The following CSMD1 variants were observed in gnomAD, a reference collection of about 807,000 sequenced individuals.
The protein encoded by CSMD1 is CUB and Sushi multiple domains 1.
A neutral mutation model predicts 417.5 loss-of-function variants in CSMD1; 213 were observed. The ratio of observed to expected loss-of-function variants is 0.51; its 90% CI spans 0.46 to 0.57. The LOEUF (loss-of-function observed/expected upper bound fraction) is 0.57. Ranked by LOEUF, CSMD1 falls within the 20% of genes least tolerant of loss-of-function variation. The pLI is 0.00. For missense variants in CSMD1, 6,923 were observed against 4,529.7 expected (o/e 1.53, Z -15.17); for synonymous variants, 2,862 against 1,736.8 (o/e 1.65, Z -16.11).
At chr8:3,216,595 C>T (rs1797893747) in intron 29 of CSMD1, among the ~76,000 whole-genome samples, 1 of 152,188 alleles carries the variant, frequency 6.6e-6, no homozygotes, top group African/African-American at 2.4e-5. Flanking sequence ...CAATGGACTG[C>T]ATCTAATCTT....
At chr8:3,274,444 C>T (rs560214795) in intron 26 of CSMD1, among the ~76,000 whole-genome samples, 4 of 152,080 alleles carry the variant, frequency 2.6e-5, no homozygotes, top group African/African-American at 9.7e-5. Flanking sequence ...TCTATTAGGT[C>T]CGCTTGGTGC....
rs904743253 is a variant in CSMD1 at position 4,012,124 on chromosome 8, T to A, written c.611-14014A>T. 6.6e-5 allele frequency among the ~76,000 whole-genome samples: 10 copies of A among 152,240 alleles called. No homozygotes were observed. The South Asian group carries it at 8.3e-4, about 13-fold the overall frequency. On this transcript the variant is annotated intron_variant, in intron 4 of 69. Coordinates refer to ENST00000635120, the MANE Select transcript of CSMD1 (RefSeq NM_033225.6). ...AATGAAACATTTTCTAGATTTAAAA[T>A]ATATATATATTTTTCATCCACATTT...
At chr8:3,220,967 T>G (rs1314774242) in intron 28 of CSMD1, among the ~76,000 whole-genome samples, 1 of 152,194 alleles carries the variant, frequency 6.6e-6, no homozygotes, top group South Asian at 2.1e-4. Context: ...TCCTACTCCC[T>G]TTCCTTTCCA....
Position 4,982,826 on chromosome 8 carries a change from C to T in CSMD1, c.85+11506G>A, listed in dbSNP as rs189207262. ...ACGCCTCAGCTTTTCAACACCCTGA[C>T]GACATGCCCCTTCCGTGTCTCTTGT... On this transcript the variant is annotated intron_variant, in intron 1 of 69. Coordinates refer to ENST00000635120, the MANE Select transcript of CSMD1 (RefSeq NM_033225.6). Among the ~76,000 whole-genome samples the T allele has an allele frequency of 7.6e-4, 115 of 152,260 alleles. 1 individual carries two copies. In the East Asian group the frequency reaches 0.018, roughly 24 times the overall value.
intron 3 of CSMD1, among the ~76,000 whole-genome samples, chr8:4,039,136 T>C (rs1797761422): frequency 6.6e-6 from 1 of 152,210 alleles, no homozygotes; most frequent in Non-Finnish European, 1.5e-5. Flanking sequence ...AACGGCAGCA[T>C]TTTCAACAGC....
intron 2 of CSMD1, among the ~76,000 whole-genome samples, chr8:4,529,522 G>A (rs1796684749): frequency 6.6e-6 from 1 of 152,068 alleles, no homozygotes; most frequent in African/African-American, 2.4e-5. Context: ...TTCTAAAAAT[G>A]CCTCTGTCTT....
At chr8:4,444,632 T>C (rs934817366) in intron 2 of CSMD1, among the ~76,000 whole-genome samples, 2 of 152,104 alleles carry the variant, frequency 1.3e-5, no homozygotes, top group African/African-American at 2.4e-5. Flanking sequence ...TCTGTAAACA[T>C]GGTTATTATC....
At chr8:4,426,097 A>C (rs906543463) in intron 2 of CSMD1, among the ~76,000 whole-genome samples, 1 of 151,920 alleles carries the variant, frequency 6.6e-6, no homozygotes, top group Non-Finnish European at 1.5e-5. Flanking sequence ...TGAAAAAAAA[A>C]AAAATCTTAT....
chr8:4,381,599 G>C (rs748618208), intron 3 of CSMD1, among the ~76,000 whole-genome samples: 3 of 152,078 alleles, frequency 2.0e-5, no homozygotes, highest in African/African-American at 4.8e-5. Context: ...CTTCCCCTTG[G>C]TTCCCGCCCT....
At chr8:3,832,900 G>C (rs148499864) in intron 5 of CSMD1, among the ~76,000 whole-genome samples, 82 of 152,168 alleles carry the variant, frequency 5.4e-4, no homozygotes, top group African/African-American at 1.7e-3. Flanking sequence ...TATTGCATAA[G>C]CAACACAAAT....
intron 2 of CSMD1, among the ~76,000 whole-genome samples, chr8:4,506,828 A>G (rs903967182): frequency 6.6e-5 from 10 of 152,270 alleles, no homozygotes; most frequent in Non-Finnish European, 2.9e-5. Context: ...CTTTTAAATT[A>G]GGATAGAAAT....
At chr8:3,736,160 C>A (rs1796510609) in intron 6 of CSMD1, among the ~76,000 whole-genome samples, 1 of 152,194 alleles carries the variant, frequency 6.6e-6, no homozygotes, top group Admixed American at 6.5e-5. Context: ...GTAATCGCAT[C>A]ACATCTGCGT....
chr8:3,136,243 CT>C (rs768094315), intron 41 of CSMD1, among the ~76,000 whole-genome samples: 67 of 145,052 alleles, frequency 4.6e-4, no homozygotes, highest in South Asian at 2.2e-3. Flanking sequence ...ACAACCAAGC[CT>C]TTTTTTTTTC....
chr8:4,599,808 G>C (rs966164912), intron 2 of CSMD1, among the ~76,000 whole-genome samples: 3 of 152,150 alleles, frequency 2.0e-5, no homozygotes, highest in Non-Finnish European at 2.9e-5. Flanking sequence ...ATATTTCCTA[G>C]TGTTTATCAC....
intron 5 of CSMD1, among the ~76,000 whole-genome samples, chr8:3,954,382 A>G (rs1811791334): frequency 6.6e-6 from 1 of 151,308 alleles, no homozygotes; most frequent in African/African-American, 2.5e-5. Context: ...TTCTTTTTTG[A>G]GACGGAGTCT....
chr8:3,349,935 AT>A (rs1415009652), intron 21 of CSMD1, among the ~76,000 whole-genome samples: 3 of 144,640 alleles, frequency 2.1e-5, no homozygotes, highest in African/African-American at 7.6e-5. Context: ...ATTATATATA[AT>A]ATATATTATA....
At chr8:4,408,496 C>A (rs1364016722) in intron 3 of CSMD1, among the ~76,000 whole-genome samples, 3 of 152,164 alleles carry the variant, frequency 2.0e-5, no homozygotes, top group South Asian at 4.1e-4. Flanking sequence ...AATTTTACTT[C>A]TTTATCTCAA....
chr8:4,200,986 C>T (rs1799612406), intron 3 of CSMD1, among the ~76,000 whole-genome samples: 1 of 152,178 alleles, frequency 6.6e-6, no homozygotes, highest in South Asian at 2.1e-4. Flanking sequence ...TTTACTTTTT[C>T]TCCACAGCGC....
intron 3 of CSMD1, among the ~76,000 whole-genome samples, chr8:4,111,462 A>T (rs2130911463): frequency 1.3e-5 from 2 of 152,336 alleles, no homozygotes; most frequent in Middle Eastern, 6.8e-3. Flanking sequence ...GGAAAAGCAC[A>T]TGCACGAGTA....
Sources: gnomAD v4.1 joint callset for allele counts (sites outside exome capture counted in the v4.1 genomes callset) on GRCh38, gnomAD v4.1.1 for gene constraint, MANE v1.5 for transcripts, NCBI Gene and HGNC (gene_info 2026-07-23, HGNC 2026-07-21) for gene names.